NRXN3: variants seen among roughly 807,000 people sequenced by gnomAD.
NRXN3 encodes the protein neurexin 3.
A neutral mutation model predicts 137.6 loss-of-function variants in NRXN3; 32 were observed. The observed-to-expected ratio is 0.23, with a 90% CI of 0.18 to 0.31. The LOEUF (loss-of-function observed/expected upper bound fraction) is 0.31, where lower values mean the gene tolerates loss of function less well. Ranked by LOEUF, NRXN3 falls within the 10% of genes least tolerant of loss-of-function variation. The probability of loss-of-function intolerance (pLI) is 1.00; values close to 1 mark genes in which losing one functional copy is unlikely to be tolerated. For missense variants in NRXN3, 1,574 were observed against 2,062.5 expected, an observed-to-expected ratio of 0.76 and a Z score of 4.59; for synonymous variants, 798 against 784.5, an observed-to-expected ratio of 1.02 and a Z score of -0.29.
intron 1 of NRXN3, among the ~76,000 whole-genome samples, chr14:78,207,366 A>G (rs986319005): frequency 1.3e-5 from 2 of 151,958 alleles, no homozygotes; most frequent in Admixed American, 6.6e-5. Flanking sequence ...TTCTAATCCT[A>G]TGCTTTTCAC....
intron 15 of NRXN3, among the ~76,000 whole-genome samples, chr14:79,385,800 C>A (rs1276737195): frequency 6.6e-6 from 1 of 152,152 alleles, no homozygotes; most frequent in Non-Finnish European, 1.5e-5. Flanking sequence ...GCTGGTTAAA[C>A]ATACGCGAAT....
At chr14:78,314,889 CT>C in intron 4 of NRXN3, among the ~76,000 whole-genome samples, 1 of 80,228 alleles carries the variant, frequency 1.2e-5, no homozygotes, top group Admixed American at 1.2e-4. Flanking sequence ...TTCTTTCTTT[CT>C]TTCTCTTTCT....
At chr14:79,148,180 TAA>T (rs1555793759) in intron 15 of NRXN3, among the ~76,000 whole-genome samples, 1 of 152,108 alleles carries the variant, frequency 6.6e-6, no homozygotes, top group Non-Finnish European at 1.5e-5. Flanking sequence ...GTTAGTGGTA[TAA>T]AATTGTTTAA....
chr14:78,445,264 C>G (rs1265190171), intron 4 of NRXN3, among the ~76,000 whole-genome samples: 1 of 152,122 alleles, frequency 6.6e-6, no homozygotes, highest in African/African-American at 2.4e-5. Flanking sequence ...ATTGGAAAAC[C>G]TGGGTCCTAG....
At position 79,200,554 on chromosome 14, in the gene NRXN3, G is replaced by A. The variant is rs867331089; in HGVS notation, c.3262+212413G>A. 1.6e-4 allele frequency among the ~76,000 whole-genome samples: 25 copies of A among 152,184 alleles called. No homozygotes were observed. The Middle Eastern group carries it at 0.01, about 62-fold the overall frequency. Reference sequence around the variant, plus strand: ...TCATTGAGGATGAAGAAGAAAAGGAGCCCTAAAGGTCTCTTACAGTCATCA... The same window carrying A: ...TCATTGAGGATGAAGAAGAAAAGGAACCCTAAAGGTCTCTTACAGTCATCA... On this transcript the variant is annotated intron_variant, in intron 15 of 20. Transcript: ENST00000335750.
intron 15 of NRXN3, among the ~76,000 whole-genome samples, chr14:79,405,674 A>G (rs114386267): frequency 2.6e-5 from 4 of 152,266 alleles, no homozygotes; most frequent in African/African-American, 9.6e-5. Context: ...AGAGGGGAAA[A>G]TAACTCCCTT....
At chr14:78,217,119 T>A (rs2063370952) in intron 1 of NRXN3, among the ~76,000 whole-genome samples, 1 of 152,256 alleles carries the variant, frequency 6.6e-6, no homozygotes, top group Non-Finnish European at 1.5e-5. Context: ...CTAGCCTTCC[T>A]GCTTATTTGA....
At chr14:78,860,152 A>T (rs1245795372) in intron 10 of NRXN3, among the ~76,000 whole-genome samples, 1 of 152,202 alleles carries the variant, frequency 6.6e-6, no homozygotes, top group African/African-American at 2.4e-5. Context: ...TTAAATTTTT[A>T]CAGAGTATTT....
At chr14:79,511,645 A>G (rs1326415704) in intron 16 of NRXN3, among the ~76,000 whole-genome samples, 1 of 152,138 alleles carries the variant, frequency 6.6e-6, no homozygotes, top group Non-Finnish European at 1.5e-5. Flanking sequence ...CAATCTTTGC[A>G]AACTTGTCCC....
chr14:79,218,038 G>T (rs1276551403), intron 15 of NRXN3, among the ~76,000 whole-genome samples: 1 of 152,136 alleles, frequency 6.6e-6, no homozygotes, highest in Non-Finnish European at 1.5e-5. Context: ...AATATCCAAA[G>T]CAGAAAGCTG....
At position 78,645,327 on chromosome 14, in the gene NRXN3, G is replaced by A; in HGVS notation, c.965G>A (p.Gly322Glu). 1 of 1,598,856 alleles carries A rather than the reference G, an allele frequency of 6.3e-7. No homozygotes were observed. The highest frequency in any genetic ancestry group is 8.5e-7 in the Non-Finnish European group (1 of 1,179,722). ...DGAVSLVINL[G>E]SGAFEAIVEP... ...GCGGTCTCCTTGGTCATTAACCTGG[G>A]GTCCGGGGCCTTTGAGGCCATTGTG... The change falls in exon 5 of 21, where the codon GGG (glycine) becomes GAG (glutamate). Residue 322 changes from glycine (G) to glutamate (E), a missense_variant. By Grantham distance (98) the Gly-to-Glu change is moderately conservative (BLOSUM62 -2). This residue lies in a region of NRXN3 where 400 missense variants were observed against 527.3 expected (regional missense o/e 0.76). Coordinates refer to ENST00000335750, the MANE Select transcript of NRXN3 (RefSeq NM_001330195.2).
chr14:78,919,056 T>G (rs949002819), intron 10 of NRXN3, among the ~76,000 whole-genome samples: 9 of 152,164 alleles, frequency 5.9e-5, no homozygotes, highest in African/African-American at 1.4e-4. Context: ...GTATTAAAAT[T>G]TTTTATATGT....
chr14:79,447,001 C>CA (rs1334909854), intron 15 of NRXN3, among the ~76,000 whole-genome samples: 3 of 152,140 alleles, frequency 2.0e-5, no homozygotes, highest in African/African-American at 7.2e-5. Context: ...AGATCCTTTT[C>CA]AAAAAATACT....
chr14:79,541,139 G>A (rs112073232), intron 16 of NRXN3, among the ~76,000 whole-genome samples: 3,897 of 152,138 alleles, frequency 0.026, 126 homozygotes, highest in East Asian at 0.12. Flanking sequence ...GGCCAGGAGC[G>A]GTGGCTCAAA....
At chr14:79,649,395 C>T (rs1033787856) in intron 16 of NRXN3, among the ~76,000 whole-genome samples, 14 of 152,062 alleles carry the variant, frequency 9.2e-5, no homozygotes, top group East Asian at 5.8e-4. Context: ...CCACCAGGCA[C>T]GTTTGGAAAA....
At chr14:78,583,349 T>A (rs896072179) in intron 4 of NRXN3, among the ~76,000 whole-genome samples, 3 of 151,992 alleles carry the variant, frequency 2.0e-5, no homozygotes, top group African/African-American at 2.4e-5. Flanking sequence ...TTCTTTTTTT[T>A]ATATTTCTGT....
At chr14:78,420,188 A>G (rs2093381793) in intron 4 of NRXN3, among the ~76,000 whole-genome samples, 1 of 152,182 alleles carries the variant, frequency 6.6e-6, no homozygotes. Context: ...GTTTTGGTAG[A>G]TTAGCTTGGT....
At chr14:78,483,441 A>T (rs1398091637) in intron 4 of NRXN3, among the ~76,000 whole-genome samples, 1 of 152,224 alleles carries the variant, frequency 6.6e-6, no homozygotes, top group Admixed American at 6.6e-5. Context: ...AGAGCTTTCC[A>T]CCAACTGCAT....
chr14:78,441,950 G>A (rs2094264451), intron 4 of NRXN3, among the ~76,000 whole-genome samples: 1 of 151,916 alleles, frequency 6.6e-6, no homozygotes, highest in Admixed American at 6.6e-5. Context: ...CAAAAAATTA[G>A]CCAGGCGTGG....
Sources: allele counts gnomAD v4.1 joint callset (sites outside exome capture counted in the v4.1 genomes callset), GRCh38; gene constraint gnomAD v4.1.1; regional missense constraint gnomAD v4.1.1; transcripts MANE v1.5; gene names NCBI Gene and HGNC (gene_info 2026-07-23, HGNC 2026-07-21).